FCAMR: variants seen among roughly 807,000 people sequenced by gnomAD.
FCAMR encodes Fc alpha and mu receptor, also known as high affinity immunoglobulin alpha and immunoglobulin mu Fc receptor.
FCAMR carries 51 observed loss-of-function variants against 52.2 expected under a neutral mutation model. The observed-to-expected ratio is 0.98, with a 90% CI of 0.78 to 1.23. The LOEUF is 1.23. Among genes scored for constraint, FCAMR ranks in the 50% most tolerant of loss-of-function variants. The pLI, the probability that FCAMR is intolerant of heterozygous loss-of-function variation, is 0.00. For missense variants in FCAMR, 719 were observed against 712.6 expected (o/e 1.01, Z -0.10); for synonymous variants, 282 against 262.0 (o/e 1.08, Z -0.74).
intron 4 of FCAMR, among the ~76,000 whole-genome samples, chr1:206,964,498 G>A (rs911947582): frequency 4.0e-5 from 6 of 151,804 alleles, no homozygotes; most frequent in Non-Finnish European, 8.8e-5. Flanking sequence ...AGTCATGAAT[G>A]GTTTAGTACC....
At chr1:206,969,391 A>T (rs925185533) in intron 1 of FCAMR, 4 of 430,510 alleles carry the variant, frequency 9.3e-6, no homozygotes, top group Non-Finnish European at 1.9e-5. Flanking sequence ...AATGTCTCCA[A>T]GTCACCCTCT....
chr1:206,964,504 G>T (rs1456875117), intron 4 of FCAMR, among the ~76,000 whole-genome samples: 1 of 151,996 alleles, frequency 6.6e-6, no homozygotes, highest in African/African-American at 2.4e-5. Flanking sequence ...GAATGGTTTA[G>T]TACCATCCCC....
chr1:206,967,826 T>A (rs1216339784), intron 1 of FCAMR, among the ~76,000 whole-genome samples, 175 bp from the exon 2 acceptor site: 1 of 152,192 alleles, frequency 6.6e-6, no homozygotes, highest in Non-Finnish European at 1.5e-5. Context: ...TGTCCCCCCA[T>A]CCACACTGAC....
intron 6 of FCAMR, chr1:206,960,069 C>T (rs1466770190): frequency 1.4e-5 from 7 of 503,658 alleles, no homozygotes; most frequent in African/African-American, 5.7e-5. Context: ...TGGGAGCAAG[C>T]GACTCCAGCC....
Position 206,960,478 on chromosome 1 carries a change from G to T in FCAMR, c.1398C>A (p.Ser466Arg). The T allele has an allele frequency of 6.5e-7, 1 of 1,546,702 alleles. No homozygotes were observed. Among genetic ancestry groups the T allele is most frequent in the Non-Finnish European group, 8.7e-7 (1 of 1,144,656 alleles). Residue 466 changes from serine (S) to arginine (R), a missense_variant, in exon 6 of 8, where the codon AGC (serine) becomes AGA (arginine). Coordinates refer to ENST00000324852, the MANE Select transcript of FCAMR (RefSeq NM_001170631.2). ...TGDRGPQATL[S>R]QTPAVGPWGP... ...CCCAGGGTCCTACTGCCGGGGTCTG[G>T]CTCAGTGTTGCTTGGGGACCTCTGT...
At chr1:206,969,961 C>T in intron 1 of FCAMR, 126 bp downstream of exon 1, 1 of 1,111,912 alleles carries the variant, frequency 9.0e-7, no homozygotes, top group Non-Finnish European at 1.3e-6. Flanking sequence ...CCTTACCTGG[C>T]CTCCTGGGAA....
At chr1:206,964,920 A>G (rs937121635) in intron 4 of FCAMR, among the ~76,000 whole-genome samples, 1 of 152,178 alleles carries the variant, frequency 6.6e-6, no homozygotes, top group Non-Finnish European at 1.5e-5. Context: ...CCTTCTGAGT[A>G]TGGGGTCCTG....
rs1680684070 is a variant in FCAMR, at chr1:206,965,796, G to T, written c.232C>A (p.Pro78Thr). The change falls in exon 4 of 8, where the codon CCC (proline) becomes ACC (threonine). Residue 78 changes from proline to threonine, a missense_variant. Coordinates refer to ENST00000324852, the MANE Select transcript of FCAMR (RefSeq NM_001170631.2). ...HPRWLWEGSLPSRTHLRAMGT... is the reference protein window; with the variant it reads ...HPRWLWEGSLTSRTHLRAMGT... ...ATGGCCCGGAGATGGGTCCTGGAGG[G>T]GAGAGAGCCCTCCCACAGCCATCTC... 1 of 1,597,618 alleles carries T rather than the reference G, an allele frequency of 6.3e-7. No individual in the cohort carries two copies. Among genetic ancestry groups the T allele is most frequent in the East Asian group, 2.3e-5 (1 of 43,306 alleles).
chr1:206,962,293 T>A lies in FCAMR; in HGVS notation c.572A>T (p.Asp191Val). The A allele has an allele frequency of 6.2e-7, 1 of 1,614,186 alleles. No individual in the cohort carries two copies. Among genetic ancestry groups the A allele is most frequent in the Non-Finnish European group, 8.5e-7 (1 of 1,180,024 alleles). ...FVVRLSQLSP[D>V]DIGCYLCGIG... is the part of the protein sequence containing the mutation. ...GCCGCAGAGGTAGCATCCGATGTCA[T>A]CCGGGGACAGTTGGGACAGCCTCAC... is the stretch of plus-strand genomic sequence containing the variant. The change falls in exon 5 of 8, where the codon GAT (aspartate) becomes GTT (valine). Residue 191 changes from aspartate (D) to valine (V), a missense_variant. By Grantham distance (152) the Asp-to-Val change is radical. Transcript: ENST00000324852.
Position 206,958,721 on chromosome 1 carries a change from G to A in FCAMR, c.1574-45C>T, listed in dbSNP as rs557844208. 5 of 1,612,260 alleles carry A rather than the reference G, an allele frequency of 3.1e-6. No individual in the cohort carries two copies. The South Asian group carries it at 5.5e-5, about 18-fold the overall frequency. On this transcript the variant is annotated intron_variant, in intron 7 of 7. Transcript: ENST00000324852. Reference sequence around the variant, plus strand: ...ACTGTGAGGGTTCTGGGTAAGGACAGCACTGACTTTGATTTCCTAAGAACC... The same window carrying A: ...ACTGTGAGGGTTCTGGGTAAGGACAACACTGACTTTGATTTCCTAAGAACC...
chr1:206,961,875 T>G (rs1256968243), intron 5 of FCAMR, among the ~76,000 whole-genome samples: 1 of 152,254 alleles, frequency 6.6e-6, no homozygotes, highest in African/African-American at 2.4e-5. Flanking sequence ...CTGCCGCTTC[T>G]CTGCATGTCT....
Position 206,965,711 on chromosome 1 carries a change from G to A in FCAMR, c.313+4C>T, listed in dbSNP as rs764317060. On this transcript the variant is annotated splice_donor_region_variant and intron_variant, in intron 4 of 7. Coordinates refer to ENST00000324852, the MANE Select transcript of FCAMR (RefSeq NM_001170631.2). Reference sequence around the variant, plus strand: ...GTCGAACAAAGGGAGAGTAGGGGTTGTACCTGCAAAGGAGCTCTCCTCCCG... The same window carrying A: ...GTCGAACAAAGGGAGAGTAGGGGTTATACCTGCAAAGGAGCTCTCCTCCCG... 5 of 1,564,208 alleles carry A rather than the reference G, an allele frequency of 3.2e-6. No homozygotes were observed. Among genetic ancestry groups the A allele is most frequent in the Non-Finnish European group, 4.3e-6 (5 of 1,161,866 alleles).
chr1:206,966,089 G>T (rs1012794602), intron 3 of FCAMR, among the ~76,000 whole-genome samples: 2 of 152,182 alleles, frequency 1.3e-5, no homozygotes, highest in Non-Finnish European at 2.9e-5. Context: ...GGGTGGAGAA[G>T]AGGGAAGGCA....
Position 206,961,138 on chromosome 1 carries a change from G to A in FCAMR, c.738C>T (p.Asn246=), listed in dbSNP as rs556798122. The change falls in exon 6 of 8, where the codon AAC becomes AAT. Residue 246 remains asparagine (N), a synonymous_variant. Transcript: ENST00000324852. ...TCTGGGTGGTTCCTGGGGTCCATCTGTTGGCCACTGGAGACGCTGTTCCAT... is the reference window on the plus strand; with the variant it reads ...TCTGGGTGGTTCCTGGGGTCCATCTATTGGCCACTGGAGACGCTGTTCCAT... The part of the protein sequence containing the change: ...RSYGTASPVA[N]RWTPGTTQTL... 1 of 1,551,754 alleles carries A rather than the reference G, an allele frequency of 6.4e-7. No individual in the cohort carries two copies. The highest frequency in any genetic ancestry group is 1.2e-5 in the South Asian group (1 of 84,056).
At chr1:206,961,842 C>T (rs1572661636) in intron 5 of FCAMR, among the ~76,000 whole-genome samples, 2 of 152,366 alleles carry the variant, frequency 1.3e-5, no homozygotes, top group Middle Eastern at 3.4e-3. Context: ...TTCTGTCCTG[C>T]CTGTCACACC....
rs991639059 is a variant in FCAMR at position 206,960,220 on chromosome 1, T to C, written c.1454+202A>G. ...AAATATTGTCTTTCTATCATTTAGA[T>C]ATCACTTGAAAACCACATGGAAATA... On this transcript the variant is annotated intron_variant, in intron 6 of 7. Coordinates refer to ENST00000324852, the MANE Select transcript of FCAMR (RefSeq NM_001170631.2). 5.0e-5 allele frequency: 29 copies of C among 580,954 alleles called. No individual in the cohort carries two copies. The South Asian group carries it at 6.5e-4, about 13-fold the overall frequency. The allele number at this position is 580,954 out of a possible 1,614,324, so 36.0% of individuals were successfully genotyped here. A position where few individuals can be genotyped will look rare whatever the true frequency, so the allele number is the denominator to read the frequency against.
intron 4 of FCAMR, among the ~76,000 whole-genome samples, chr1:206,965,156 T>A (rs1572665438): frequency 1.3e-5 from 2 of 152,324 alleles, no homozygotes; most frequent in Middle Eastern, 6.8e-3. Flanking sequence ...CAAGGACCAT[T>A]TCAGGACAAT....
chr1:206,962,422 G>A lies in FCAMR; in HGVS notation c.443C>T (p.Pro148Leu). The A allele has an allele frequency of 6.2e-7, 1 of 1,614,130 alleles. No individual in the cohort carries two copies. Among genetic ancestry groups the A allele is most frequent in the South Asian group, 1.1e-5 (1 of 91,070 alleles). ...QRKYWCRLGP[P>L]RWICQTIVST... ...CACAATGGTCTGGCAGATCCATCTTGGGGGCCCCAGACGGCACCAGTACTT... is the reference window on the plus strand; with the variant it reads ...CACAATGGTCTGGCAGATCCATCTTAGGGGCCCCAGACGGCACCAGTACTT... Residue 148 changes from proline (P) to leucine (L), a missense_variant, in exon 5 of 8, where the codon CCA becomes CTA. By Grantham distance (98) the Pro-to-Leu change is moderately conservative. Coordinates refer to ENST00000324852, the MANE Select transcript of FCAMR (RefSeq NM_001170631.2).
chr1:206,969,883 C>A (rs970669103), intron 1 of FCAMR, among the ~76,000 whole-genome samples: 1 of 152,180 alleles, frequency 6.6e-6, no homozygotes, highest in African/African-American at 2.4e-5. Flanking sequence ...AGGAACCATG[C>A]ACTCTGGTGG....
Sources: gnomAD v4.1 joint callset for allele counts (sites outside exome capture counted in the v4.1 genomes callset) on GRCh38, gnomAD v4.1.1 for gene constraint, MANE v1.5 for transcripts, NCBI Gene and HGNC (gene_info 2026-07-23, HGNC 2026-07-21) for gene names.